The following GRM5 variants were observed in gnomAD, a reference collection of about 807,000 sequenced individuals.
GRM5 encodes the protein metabotropic glutamate receptor 5.
In GRM5, 19 loss-of-function variants were observed where a neutral mutation model predicts 83.1. The ratio of observed to expected loss-of-function variants is 0.23; its 90% CI spans 0.16 to 0.34. The LOEUF (loss-of-function observed/expected upper bound fraction) is 0.34. GRM5 is among the 10% of genes least tolerant of loss of function. The pLI, the probability that GRM5 is intolerant of heterozygous loss-of-function variation, is 1.00. For missense variants in GRM5, 1,160 were observed against 1,588.3 expected, an observed-to-expected ratio of 0.73 and a Z score of 4.58; for synonymous variants, 675 against 633.6, an observed-to-expected ratio of 1.07 and a Z score of -0.98.
Position 89,047,442 on chromosome 11 carries a change from A to C in GRM5, c.431T>G (p.Val144Gly). The change falls in exon 2 of 10, where the codon GTA becomes GGA. Residue 144 changes from valine to glycine, a missense_variant. Coordinates refer to ENST00000305447, the MANE Select transcript of GRM5 (RefSeq NM_001143831.3). This position sits in a 1 kb window ranked among gnomAD's most constrained non-coding sequence, Gnocchi z 5.1. ...SSSFRSKKPI[V>G]GVIGPGSSSV... The stretch of plus-strand genomic sequence containing the variant: ...ACTGGAGCCAGGCCCAATGACCCCT[A>C]CTATGGGCTTCTTGGAGCGGAAGGA... 1 of 1,613,976 alleles carries C rather than the reference A, an allele frequency of 6.2e-7. No homozygotes were observed. The highest frequency in any genetic ancestry group is 1.1e-5 in the South Asian group (1 of 91,088).
chr11:88,907,307 C>T (rs1945420617), intron 2 of GRM5, among the ~76,000 whole-genome samples: 1 of 152,176 alleles, frequency 6.6e-6, no homozygotes. Flanking sequence ...GCTGGCCACA[C>T]TCTAGTGTCC....
intron 3 of GRM5, among the ~76,000 whole-genome samples, chr11:88,777,882 G>A (rs1458405425): frequency 2.0e-5 from 3 of 152,170 alleles, no homozygotes; most frequent in Non-Finnish European, 4.4e-5. Context: ...CCTACTTGGA[G>A]ATATCTCCCA....
chr11:88,981,472 G>T (rs773478147), intron 2 of GRM5, among the ~76,000 whole-genome samples: 2 of 152,070 alleles, frequency 1.3e-5, no homozygotes, highest in Non-Finnish European at 2.9e-5. Flanking sequence ...CTAGTTAATT[G>T]TGATCTTTAT....
intron 2 of GRM5, among the ~76,000 whole-genome samples, chr11:88,914,856 G>T (rs1166564372): frequency 6.6e-6 from 1 of 152,038 alleles, no homozygotes; most frequent in Non-Finnish European, 1.5e-5. Flanking sequence ...TGGGGACTAT[G>T]AAAGAAATTA....
intron 1 of GRM5, among the ~76,000 whole-genome samples, chr11:89,057,768 T>C (rs954613244): frequency 3.9e-5 from 6 of 152,188 alleles, no homozygotes; most frequent in African/African-American, 1.2e-4. Flanking sequence ...TTACATTACA[T>C]ATCATTAAAT....
intron 2 of GRM5, among the ~76,000 whole-genome samples, chr11:88,946,317 C>T (rs1938281862): frequency 6.6e-6 from 1 of 152,064 alleles, no homozygotes; most frequent in African/African-American, 2.4e-5. Flanking sequence ...CTGTGGAAAG[C>T]AGTTTGGTGA....
intron 2 of GRM5, among the ~76,000 whole-genome samples, chr11:88,924,745 C>T (rs1178568741): frequency 2.0e-5 from 3 of 151,492 alleles, no homozygotes; most frequent in Non-Finnish European, 4.4e-5. Context: ...TAATGTACAG[C>T]ATTATAATAT....
intron 3 of GRM5, among the ~76,000 whole-genome samples, chr11:88,741,389 G>A (rs1407917441): frequency 6.6e-6 from 1 of 152,076 alleles, no homozygotes; most frequent in Admixed American, 6.6e-5. Flanking sequence ...GGCCTACAGT[G>A]ATTAGACTTC....
chr11:88,789,766 T>G (rs576318136), intron 3 of GRM5, among the ~76,000 whole-genome samples: 71 of 152,322 alleles, frequency 4.7e-4, no homozygotes, highest in Non-Finnish European at 6.3e-4. Context: ...ATTCTTACGG[T>G]AAATTATATG....
chr11:88,998,933 G>C (rs553308657), intron 2 of GRM5, among the ~76,000 whole-genome samples: 1 of 151,888 alleles, frequency 6.6e-6, no homozygotes, highest in Non-Finnish European at 1.5e-5. Flanking sequence ...CTAGAATGCC[G>C]CATGTCTACA....
At chr11:88,754,448 A>G (rs1942353841) in intron 3 of GRM5, among the ~76,000 whole-genome samples, 1 of 152,158 alleles carries the variant, frequency 6.6e-6, no homozygotes, top group Non-Finnish European at 1.5e-5. Context: ...GTTGAAGAAG[A>G]AAATTAATTA....
At chr11:88,987,702 C>T (rs917464256) in intron 2 of GRM5, among the ~76,000 whole-genome samples, 1 of 152,040 alleles carries the variant, frequency 6.6e-6, no homozygotes, top group African/African-American at 2.4e-5. Context: ...ATCCCTGACC[C>T]CTGACCCCCG....
In GRM5 at chr11:88,512,944, T is replaced by C. The variant is rs1464739998; in HGVS notation, c.2727-3440A>G. ...CAGGTTCTTTCTCTTTTACCTGACC[T>C]GGAGTTCCATGATCCGTGGCCTCTT... is the stretch of plus-strand genomic sequence containing the variant. On this transcript the variant is annotated intron_variant, in intron 9 of 9. Coordinates refer to ENST00000305447, the MANE Select transcript of GRM5 (RefSeq NM_001143831.3). 2.6e-5 allele frequency among the ~76,000 whole-genome samples: 4 copies of C among 152,220 alleles called. No homozygotes were observed. In the East Asian group the frequency reaches 7.7e-4, roughly 29 times the overall value.
chr11:88,927,915 C>T (rs1044080625), intron 2 of GRM5, among the ~76,000 whole-genome samples: 1 of 152,032 alleles, frequency 6.6e-6, no homozygotes, highest in Non-Finnish European at 1.5e-5. Flanking sequence ...GGGAAAGGTA[C>T]ACTTTAAAAA....
chr11:88,559,756 A>T (rs926700313), intron 8 of GRM5, among the ~76,000 whole-genome samples: 2 of 152,174 alleles, frequency 1.3e-5, no homozygotes, highest in East Asian at 3.9e-4. Flanking sequence ...GAAAATGAGT[A>T]AGCTCCTCTC....
intron 2 of GRM5, among the ~76,000 whole-genome samples, chr11:88,888,230 G>A (rs1425905220): frequency 2.0e-5 from 3 of 152,138 alleles, no homozygotes; most frequent in Non-Finnish European, 4.4e-5. Context: ...ATTTAACTCA[G>A]GTATTTGACC....
intron 2 of GRM5, among the ~76,000 whole-genome samples, chr11:88,892,301 C>T (rs1055933216): frequency 1.3e-5 from 2 of 151,930 alleles, no homozygotes; most frequent in African/African-American, 4.8e-5. Context: ...AGACTGGCCT[C>T]ATACCTTGTC....
At chr11:88,998,869 T>C (rs1940278799) in intron 2 of GRM5, among the ~76,000 whole-genome samples, 1 of 152,130 alleles carries the variant, frequency 6.6e-6, no homozygotes, top group African/African-American at 2.4e-5. Flanking sequence ...GTATACAGGC[T>C]TTTTCTATAT....
chr11:88,655,743 T>C (rs1380326095), intron 3 of GRM5, among the ~76,000 whole-genome samples: 1 of 151,964 alleles, frequency 6.6e-6, no homozygotes, highest in Non-Finnish European at 1.5e-5. Flanking sequence ...GTTTTATTAT[T>C]AGCCTTATAA....
Sources: gnomAD v4.1 joint callset for allele counts (sites outside exome capture counted in the v4.1 genomes callset) on GRCh38, gnomAD v4.1.1 for gene constraint, Gnocchi (gnomAD v3.1) non-coding constraint, MANE v1.5 for transcripts, NCBI Gene and HGNC (gene_info 2026-07-23, HGNC 2026-07-21) for gene names.